The following PRKCE variants were observed in gnomAD, a reference collection of about 807,000 sequenced individuals.
PRKCE encodes the protein protein kinase C epsilon type.
Under a neutral mutation model 85.4 loss-of-function variants are expected in PRKCE, and 16 were observed. The ratio of observed to expected loss-of-function variants is 0.19; its 90% CI spans 0.13 to 0.28. The LOEUF (loss-of-function observed/expected upper bound fraction) is 0.28, where lower values mean the gene tolerates loss of function less well. Among genes scored for constraint, PRKCE ranks in the 10% least tolerant of loss-of-function variants. The pLI is 1.00. For synonymous variants in PRKCE, 388 were observed against 371.5 expected (o/e 1.04, Z -0.51); for missense variants, 573 against 975.2 (o/e 0.59, Z 5.49).
chr2:45,767,736 A>G (rs73926067), intron 1 of PRKCE, among the ~76,000 whole-genome samples: 37 of 152,328 alleles, frequency 2.4e-4, no homozygotes, highest in African/African-American at 8.2e-4. Context: ...ATGCATGTCC[A>G]TTGGAAAGAC....
intron 1 of PRKCE, among the ~76,000 whole-genome samples, chr2:45,830,832 C>G (rs894000154): frequency 3.9e-5 from 6 of 152,334 alleles, no homozygotes; most frequent in East Asian, 3.9e-4. Flanking sequence ...ACCTAGAATT[C>G]TATATCCAGC....
At chr2:45,887,117 G>A (rs1247431452) in intron 2 of PRKCE, among the ~76,000 whole-genome samples, 1 of 152,190 alleles carries the variant, frequency 6.6e-6, no homozygotes, top group Non-Finnish European at 1.5e-5. Context: ...TAACAGAGTT[G>A]CTCCTCCAGA....
intron 10 of PRKCE, among the ~76,000 whole-genome samples, chr2:46,038,067 T>C (rs535130162): frequency 1.4e-4 from 22 of 152,320 alleles, no homozygotes; most frequent in Admixed American, 1.1e-3. Flanking sequence ...CTGTCCTGTC[T>C]TGCATCTGCT....
rs35838849 is a variant in PRKCE, at chr2:45,833,138, C to CAAA, written c.349-9849_349-9847dup. On this transcript the variant is annotated intron_variant, in intron 1 of 14. Coordinates refer to ENST00000306156, the MANE Select transcript of PRKCE (RefSeq NM_005400.3). ...TTCAAGACCAGCCTGGGCAACATGG[C>CAAA]AAAAAAAAAAAAAAAGAAAAGAAAA... 3.3e-5 allele frequency among the ~76,000 whole-genome samples: 4 copies of CAAA among 120,188 alleles called. No homozygotes were observed. In the East Asian group the frequency reaches 7.5e-4, roughly 22 times the overall value. The allele number at this position is 120,188 out of a possible 152,430, so 78.8% of individuals were successfully genotyped here.
intron 1 of PRKCE, among the ~76,000 whole-genome samples, chr2:45,816,750 C>G (rs754255441): frequency 5.9e-5 from 9 of 151,860 alleles, no homozygotes; most frequent in Non-Finnish European, 1.2e-4. Flanking sequence ...ATCAGATGGC[C>G]CCTTCCCAGC....
chr2:45,803,725 T>C (rs1407548988), intron 1 of PRKCE, among the ~76,000 whole-genome samples: 2 of 152,220 alleles, frequency 1.3e-5, no homozygotes, highest in African/African-American at 4.8e-5. Flanking sequence ...TTATGCTCAA[T>C]TTAGGTCAAT....
chr2:45,674,770 G>C (rs1020139010), intron 1 of PRKCE: 1 of 152,230 alleles, frequency 6.6e-6, no homozygotes, highest in Non-Finnish European at 1.5e-5. Flanking sequence ...GGTGGGCACT[G>C]CTTGAGGGAG....
chr2:46,017,087 C>T (rs1251799554), intron 10 of PRKCE, among the ~76,000 whole-genome samples: 2 of 151,700 alleles, frequency 1.3e-5, no homozygotes, highest in South Asian at 2.1e-4. Context: ...CCATCTTAAC[C>T]GTTTTTAAGT....
At chr2:45,769,586 C>A (rs1415437334) in intron 1 of PRKCE, among the ~76,000 whole-genome samples, 2 of 152,160 alleles carry the variant, frequency 1.3e-5, no homozygotes. Flanking sequence ...TTATTTCTCA[C>A]TGATATTAAG....
At chr2:45,776,406 TTGCCAC>T (rs1685752191) in intron 1 of PRKCE, among the ~76,000 whole-genome samples, 1 of 152,112 alleles carries the variant, frequency 6.6e-6, no homozygotes, top group African/African-American at 2.4e-5. Flanking sequence ...GGAACTGAAA[TTGCCAC>T]TGCTCCTGAA....
At chr2:46,089,817 C>T (rs533033553) in intron 11 of PRKCE, among the ~76,000 whole-genome samples, 4 of 152,272 alleles carry the variant, frequency 2.6e-5, no homozygotes, top group African/African-American at 7.2e-5. Flanking sequence ...GACCTTTTGG[C>T]CCTTATCCCT....
At chr2:45,918,084 G>A (rs1373647615) in intron 2 of PRKCE, among the ~76,000 whole-genome samples, 3 of 152,260 alleles carry the variant, frequency 2.0e-5, no homozygotes, top group Non-Finnish European at 4.4e-5. Flanking sequence ...ACCTGAGGGA[G>A]CCGGCTCCGG....
chr2:46,055,548 A>T (rs1399424019), intron 10 of PRKCE, among the ~76,000 whole-genome samples: 1 of 152,182 alleles, frequency 6.6e-6, no homozygotes, highest in East Asian at 1.9e-4. Flanking sequence ...TATAACTTTG[A>T]TTCTTTTATA....
intron 1 of PRKCE, among the ~76,000 whole-genome samples, chr2:45,776,325 A>G (rs1414322693): frequency 2.0e-5 from 3 of 152,172 alleles, no homozygotes; most frequent in East Asian, 1.9e-4. Context: ...ATCAGACATC[A>G]TTACTTGAAT....
chr2:46,163,902 A>G (rs1678052893), intron 14 of PRKCE, among the ~76,000 whole-genome samples: 1 of 145,180 alleles, frequency 6.9e-6, no homozygotes, highest in Admixed American at 6.8e-5. Context: ...GGTGCACCCC[A>G]CAGAGGCCAC....
intron 10 of PRKCE, chr2:46,073,693 C>T (rs910464910): frequency 6.6e-6 from 1 of 152,122 alleles, no homozygotes; most frequent in Non-Finnish European, 1.5e-5. Flanking sequence ...TGTTCTGAGA[C>T]TAATCAGGGA....
At chr2:46,133,968 C>T (rs1391237149) in intron 11 of PRKCE, among the ~76,000 whole-genome samples, 2 of 152,150 alleles carry the variant, frequency 1.3e-5, no homozygotes, top group African/African-American at 2.4e-5. Context: ...AGAGACCTCA[C>T]AACAAGAGGG....
chr2:46,025,988 G>A (rs1212153335), intron 10 of PRKCE, among the ~76,000 whole-genome samples: 2 of 152,222 alleles, frequency 1.3e-5, no homozygotes, highest in East Asian at 1.9e-4. Flanking sequence ...ATAGGCAGAA[G>A]CAAACTGGGG....
chr2:45,777,711 G>C (rs1292155037), intron 1 of PRKCE, among the ~76,000 whole-genome samples: 1 of 152,158 alleles, frequency 6.6e-6, no homozygotes, highest in African/African-American at 2.4e-5. Flanking sequence ...ATACGGTTCG[G>C]GAAAGAGTCA....
Sources: allele counts gnomAD v4.1 joint callset (sites outside exome capture counted in the v4.1 genomes callset), GRCh38; gene constraint gnomAD v4.1.1; transcripts MANE v1.5; gene names NCBI Gene and HGNC (gene_info 2026-07-23, HGNC 2026-07-21).